The following UBA1 variants were observed in gnomAD, a reference collection of about 807,000 sequenced individuals.
The protein encoded by UBA1 is ubiquitin like modifier activating enzyme 1.
In UBA1, 4 loss-of-function variants were observed where a neutral mutation model predicts 84.7. That is an observed-to-expected ratio of 0.05 (90% CI 0.02 to 0.11). The LOEUF (loss-of-function observed/expected upper bound fraction) is 0.11, where lower values mean the gene tolerates loss of function less well. Ranked by LOEUF, UBA1 falls within the 10% of genes least tolerant of loss-of-function variation. UBA1 has a pLI of 1.00. For missense variants in UBA1, 513 were observed against 902.8 expected, an observed-to-expected ratio of 0.57 and a Z score of 5.53; for synonymous variants, 364 against 362.6, an observed-to-expected ratio of 1.00 and a Z score of -0.04.
chrX:47,191,760 T>C (rs1290462988), upstream of UBA1: 1 of 112,124 alleles, frequency 8.9e-6, no homozygotes, highest in South Asian at 3.7e-4. Flanking sequence ...GAGTTTTCAG[T>C]GGCTTTTCTA....
At chrX:47,196,149 C>T (rs1360755798) in intron 1 of UBA1, among the ~76,000 whole-genome samples, 2 of 111,308 alleles carry the variant, frequency 1.8e-5, no homozygotes, top group African/African-American at 6.6e-5. Context: ...GATCCTTTTC[C>T]AGAGATCCGA....
chrX:47,213,782 AC>A (rs112284899), intron 23 of UBA1, among the ~76,000 whole-genome samples: 3,922 of 110,290 alleles, frequency 0.036, 184 homozygotes, highest in African/African-American at 0.12. Context: ...CAAGAGAATC[AC>A]TTGAACCCGG....
Position 47,193,935 on chromosome X carries a change from G to T in UBA1, c.-90G>T. 8.7e-6 allele frequency: 1 copy of T among 114,532 alleles called. No homozygotes were observed. The highest frequency in any genetic ancestry group is 1.9e-5 in the Non-Finnish European group (1 of 53,854). The allele number at this position is 114,532 out of a possible 1,213,427, so 9.4% of individuals were successfully genotyped here. On this transcript the variant is annotated 5_prime_UTR_variant, in exon 1 of 26. Transcript: ENST00000335972. ...GGCGATTCTAGGCGGCCCAGGCGGC[G>T]GGGAGGAGGAGAAGGAGGAGGGTGG...
At chrX:47,196,692 C>T (rs962578422) in intron 1 of UBA1, among the ~76,000 whole-genome samples, 3 of 111,692 alleles carry the variant, frequency 2.7e-5, no homozygotes, top group Admixed American at 9.5e-5. Context: ...CTTGAACAAT[C>T]ATCTGAAACT....
At chrX:47,201,714 G>A in intron 8 of UBA1, 104 bp downstream of exon 8, 1 of 964,044 alleles carries the variant, frequency 1.0e-6, no homozygotes, top group Non-Finnish European at 1.5e-6. Flanking sequence ...TTCAGAGTTG[G>A]GAAGACACAT....
chrX:47,214,453 A>AC (rs782420701), intron 24 of UBA1, 25 bp downstream of exon 24: 19 of 1,202,218 alleles, frequency 1.6e-5, no homozygotes, highest in Middle Eastern at 2.3e-4. Flanking sequence ...TTACTCTGTC[A>AC]CCCCACCTCA....
intron 23 of UBA1, among the ~76,000 whole-genome samples, chrX:47,213,718 T>C (rs1937026641): frequency 9.0e-6 from 1 of 110,949 alleles, no homozygotes; most frequent in East Asian, 2.8e-4. Context: ...ATACAAAAAA[T>C]TAGCCAGGCG....
Position 47,199,521 on chromosome X carries a change from G to A in UBA1, c.387G>A (p.Glu129=), listed in dbSNP as rs1305175989. Residue 129 remains glutamate, a synonymous_variant, in exon 5 of 26, where the codon GAG becomes GAA. Coordinates refer to ENST00000335972, the MANE Select transcript of UBA1 (RefSeq NM_003334.4). ...AGGACATCGGTAAAAACCGGGCCGA[G>A]GTATCACAGCCCCGCCTCGCTGAGC... ...REEDIGKNRA[E]VSQPRLAELN... 4.1e-6 allele frequency: 5 copies of A among 1,210,080 alleles called. No homozygotes were observed. Among genetic ancestry groups the A allele is most frequent in the African/African-American group, 3.5e-5 (2 of 57,121 alleles).
At chrX:47,206,547 T>C (rs782420365) in intron 16 of UBA1, 103 bp downstream of exon 16, 58 of 849,638 alleles carry the variant, frequency 6.8e-5, no homozygotes, top group Non-Finnish European at 9.7e-5. Context: ...CATGCCTAAG[T>C]GTAAGATGTG....
At chrX:47,212,944 C>T (rs782261607) in intron 22 of UBA1, 46 bp from the exon 23 acceptor site, 3 of 1,208,438 alleles carry the variant, frequency 2.5e-6, no homozygotes, top group Middle Eastern at 2.3e-4. Context: ...GACCCTGAGG[C>T]TCTTGTACTT....
chrX:47,202,292 G>A, intron 9 of UBA1, 39 bp downstream of exon 9: 1 of 1,205,880 alleles, frequency 8.3e-7, no homozygotes. Flanking sequence ...GTGGGGGGTG[G>A]TTCTAGGCAT....
Position 47,202,485 on chromosome X carries a change from C to T in UBA1, c.1037C>T (p.Pro346Leu). 1.7e-6 allele frequency: 2 copies of T among 1,202,335 alleles called. No homozygotes were observed. The highest frequency in any genetic ancestry group is 1.8e-5 in the South Asian group (1 of 55,570). ...CAGTTCTGTGCTCAGCATGGCCGGC[C>T]ACCTCGGCCCCGCAATGAGGTGGGT... The part of the protein sequence containing the change: ...LHQFCAQHGR[P>L]PRPRNEEDAA... Residue 346 changes from proline (P) to leucine (L), a missense_variant, in exon 10 of 26, where the codon CCA becomes CTA. Coordinates refer to ENST00000335972, the MANE Select transcript of UBA1 (RefSeq NM_003334.4).
At position 47,211,069 on chromosome X, in the gene UBA1, A is replaced by C. The variant is rs143044923; in HGVS notation, c.2308A>C (p.Asn770His). ...TCTGGACTATGTGATGGCTGCTGCCAACCTGTTTGCCCAGACCTACGGGCT... is the reference window on the plus strand; with the variant it reads ...TCTGGACTATGTGATGGCTGCTGCCCACCTGTTTGCCCAGACCTACGGGCT... ...LHLDYVMAAA[N>H]LFAQTYGLTG... Residue 770 changes from asparagine (N) to histidine (H), a missense_variant, in exon 20 of 26, where the codon AAC becomes CAC. Asn to His is a moderately conservative substitution (Grantham distance 68). Transcript: ENST00000335972. 1,446 of 1,209,932 alleles carry C rather than the reference A, an allele frequency of 1.2e-3. 9 individuals carry two copies. The African/African-American group carries it at 0.022, about 18-fold the overall frequency.
At chrX:47,203,479 A>G in intron 13 of UBA1, 62 bp from the exon 14 acceptor site, 1 of 1,178,698 alleles carries the variant, frequency 8.5e-7, no homozygotes, top group Non-Finnish European at 1.2e-6. Flanking sequence ...GGTGATGGGT[A>G]GCTTCACACT....
At position 47,214,986 on chromosome X, in the gene UBA1, C is replaced by T; in HGVS notation, c.*57C>T. On this transcript the variant is annotated 3_prime_UTR_variant, in exon 26 of 26. Transcript: ENST00000335972. ...CCACCCCTCTCCACACCCCTTCCAG[C>T]CCAGGGTTCCCATTTGGCTTCTGGC... is the stretch of plus-strand genomic sequence containing the variant. 1.7e-6 allele frequency: 2 copies of T among 1,200,382 alleles called. No individual in the cohort carries two copies. Among genetic ancestry groups the T allele is most frequent in the Non-Finnish European group, 2.2e-6 (2 of 892,991 alleles).
rs782131722 is a variant in UBA1, at chrX:47,202,291, G to A, written c.909+38G>A. On this transcript the variant is annotated intron_variant, in intron 9 of 25. Transcript: ENST00000335972. Reference sequence around the variant, plus strand: ...ATGGGATCAGTGGGCTGTGGGGGGTGGTTCTAGGCATTCCCTAGTTCTCCA... The same window carrying A: ...ATGGGATCAGTGGGCTGTGGGGGGTAGTTCTAGGCATTCCCTAGTTCTCCA... 4.2e-6 allele frequency: 5 copies of A among 1,203,961 alleles called. No individual in the cohort carries two copies. The African/African-American group carries it at 8.8e-5, about 21-fold the overall frequency.
At chrX:47,198,710 CT>C (rs782719584) in intron 1 of UBA1, 92 bp from the exon 2 acceptor site, 1 of 884,730 alleles carries the variant, frequency 1.1e-6, no homozygotes, top group Non-Finnish European at 1.7e-6. Context: ...GGTACTAATA[CT>C]TAAGTCTTCC....
upstream of UBA1, chrX:47,191,323 C>T (rs1556784247): frequency 9.0e-6 from 1 of 111,540 alleles, no homozygotes; most frequent in African/African-American, 3.3e-5. Flanking sequence ...AGGACGGGGT[C>T]CTGGTGACAG....
chrX:47,199,470 A>C lies in UBA1; in HGVS notation c.346-10A>C, dbSNP rs782089237. 3.0e-5 allele frequency: 36 copies of C among 1,208,653 alleles called. No homozygotes were observed. In the African/African-American group the frequency reaches 6.2e-4, roughly 21 times the overall value. On this transcript the variant is annotated splice_polypyrimidine_tract_variant and intron_variant, in intron 4 of 25. Transcript: ENST00000335972. ...CATTTCATCTTTTTCCCTACTGCAC[A>C]CCCTTACAGTTCTACCTGCGGGAGG...
Sources: allele counts gnomAD v4.1 joint callset (sites outside exome capture counted in the v4.1 genomes callset), GRCh38; gene constraint gnomAD v4.1.1; transcripts MANE v1.5; gene names NCBI Gene and HGNC (gene_info 2026-07-23, HGNC 2026-07-21).